The following MAP3K7CL variants were observed in gnomAD, a reference collection of about 807,000 sequenced individuals.
The protein encoded by MAP3K7CL is MAP3K7 C-terminal-like protein.
Under a neutral mutation model 18.6 loss-of-function variants are expected in MAP3K7CL, and 16 were observed. The ratio of observed to expected loss-of-function variants is 0.86; its 90% CI spans 0.58 to 1.31. The LOEUF (loss-of-function observed/expected upper bound fraction) is 1.31, where lower values mean the gene tolerates loss of function less well. Ranked by LOEUF, MAP3K7CL falls within the 50% of genes most tolerant of loss-of-function variation. The probability of loss-of-function intolerance (pLI) is 0.00; values close to 1 mark genes in which losing one functional copy is unlikely to be tolerated. For missense variants in MAP3K7CL, 163 were observed against 174.4 expected (o/e 0.93, Z 0.37); for synonymous variants, 65 against 66.8 (o/e 0.97, Z 0.13).
upstream of MAP3K7CL, among the ~76,000 whole-genome samples, chr21:29,082,202 C>T (rs928682496): frequency 6.6e-6 from 1 of 152,138 alleles, no homozygotes; most frequent in African/African-American, 2.4e-5. Context: ...TCTAGCAGCT[C>T]TTGGTCCTAT....
upstream of MAP3K7CL, chr21:29,130,617 T>G: frequency 4.1e-6 from 4 of 985,478 alleles, no homozygotes; most frequent in Non-Finnish European, 4.8e-6. Context: ...GAGGGTTTTC[T>G]TTTGCTCTTG....
At chr21:29,145,838 G>T (rs2087116046) in intron 2 of MAP3K7CL, 1 of 152,068 alleles carries the variant, frequency 6.6e-6, no homozygotes, top group Non-Finnish European at 1.5e-5. Flanking sequence ...AACATCTATT[G>T]TATGTTGATT....
chr21:29,127,252 C>G (rs1334141424), upstream of MAP3K7CL, among the ~76,000 whole-genome samples: 1 of 152,140 alleles, frequency 6.6e-6, no homozygotes, highest in Non-Finnish European at 1.5e-5. Flanking sequence ...TTGAAAATAA[C>G]TTTCCAAATA....
At chr21:29,146,144 C>T (rs1332141442) in intron 2 of MAP3K7CL, among the ~76,000 whole-genome samples, 1 of 152,002 alleles carries the variant, frequency 6.6e-6, no homozygotes, top group African/African-American at 2.4e-5. Context: ...CCTTAAGATT[C>T]ATTCCTGGCT....
chr21:29,150,755 T>C (rs2087250514), intron 3 of MAP3K7CL, among the ~76,000 whole-genome samples: 5 of 140,798 alleles, frequency 3.6e-5, no homozygotes, highest in South Asian at 4.7e-4. Flanking sequence ...ACAATTCAGC[T>C]CTCCCTCTAC....
chr21:29,160,099 C>A, intron 4 of MAP3K7CL, 43 bp downstream of exon 4: 1 of 1,520,290 alleles, frequency 6.6e-7, no homozygotes, highest in Non-Finnish European at 9.1e-7. Context: ...GCACTGCCTA[C>A]TGGGCAAGGA....
upstream of MAP3K7CL, chr21:29,130,474 A>C (rs947341579): frequency 8.8e-6 from 4 of 452,836 alleles, no homozygotes; most frequent in Non-Finnish European, 1.2e-5. Flanking sequence ...AGACACAGAC[A>C]CCGATTGGGT....
intron 2 of MAP3K7CL, among the ~76,000 whole-genome samples, chr21:29,134,999 C>T (rs1466991938): frequency 6.6e-6 from 1 of 150,740 alleles, no homozygotes; most frequent in Non-Finnish European, 1.5e-5. Context: ...TGCAGTGAGC[C>T]GAGATCGTGC....
rs1239595820 is a variant in MAP3K7CL, at chr21:29,174,592, T to C, written c.249-120T>C. On this transcript the variant is annotated intron_variant, in intron 4 of 4. Transcript: ENST00000399928. ...AAAAGTCATTGGAGGCAAGTAGAGA[T>C]GGGAAAAAATTCAGAACAGCAGAAT... 6 of 1,258,188 alleles carry C rather than the reference T, an allele frequency of 4.8e-6. No homozygotes were observed. The East Asian group carries it at 7.2e-5, about 15-fold the overall frequency. The allele number at this position is 1,258,188 out of a possible 1,614,324, so 77.9% of individuals were successfully genotyped here.
intron 1 of MAP3K7CL, among the ~76,000 whole-genome samples, chr21:29,089,567 G>A (rs1244039494): frequency 6.6e-6 from 1 of 152,106 alleles, no homozygotes; most frequent in African/African-American, 2.4e-5. Context: ...TCACATACTT[G>A]ACACCATTAA....
At chr21:29,104,536 C>T (rs547092142) in intron 4 of MAP3K7CL, among the ~76,000 whole-genome samples, 3 of 152,298 alleles carry the variant, frequency 2.0e-5, no homozygotes, top group East Asian at 3.9e-4. Context: ...ACCAGCCTTA[C>T]GCACATGCTG....
At chr21:29,130,467 C>A, upstream of MAP3K7CL, 3 of 417,496 alleles carry the variant, frequency 7.2e-6, no homozygotes, top group Non-Finnish European at 9.6e-6. Context: ...CTGGAATAGA[C>A]ACAGACACCG....
upstream of MAP3K7CL, among the ~76,000 whole-genome samples, chr21:29,130,041 A>G (rs1323346613): frequency 1.3e-5 from 2 of 152,062 alleles, no homozygotes; most frequent in African/African-American, 4.8e-5. Flanking sequence ...TTCATTGTAT[A>G]TTTTGGATGC....
At chr21:29,148,448 A>G (rs2087194298) in intron 2 of MAP3K7CL, among the ~76,000 whole-genome samples, 1 of 152,050 alleles carries the variant, frequency 6.6e-6, no homozygotes, top group Non-Finnish European at 1.5e-5. Flanking sequence ...GGATATTTTG[A>G]CCCATATTTT....
At chr21:29,106,628 T>C (rs9978926) in intron 4 of MAP3K7CL, among the ~76,000 whole-genome samples, 127 of 152,280 alleles carry the variant, frequency 8.3e-4, no homozygotes, top group African/African-American at 3.0e-3. Flanking sequence ...CCAGAAAGTT[T>C]TAAGGATCAG....
rs139798552 is a variant in MAP3K7CL, at chr21:29,078,143, C to T, written c.-49+430C>T. Among the ~76,000 whole-genome samples, 1,091 of 152,086 alleles carry T rather than the reference C, an allele frequency of 7.2e-3. 12 individuals are homozygous for T. The highest frequency in any genetic ancestry group is 0.025 in the African/African-American group (1,030 of 41,512). On this transcript the variant is annotated intron_variant, in intron 1 of 7. Coordinates refer to the MAP3K7CL transcript ENST00000341618. ...CAATTCCCATTAAATCCTTAACCTC[C>T]TGACTTTTCTTTTTCTGCCTCCATT... is the stretch of plus-strand genomic sequence containing the variant.
chr21:29,108,983 C>CAG, intron 4 of MAP3K7CL: 1 of 1,403,240 alleles, frequency 7.1e-7, no homozygotes, highest in South Asian at 1.4e-5. Flanking sequence ...AATCTGAATT[C>CAG]AATGTCGGCT....
At chr21:29,141,907 T>C (rs1459816618) in intron 2 of MAP3K7CL, among the ~76,000 whole-genome samples, 1 of 152,164 alleles carries the variant, frequency 6.6e-6, no homozygotes, top group African/African-American at 2.4e-5. Context: ...TTTTTTTTGA[T>C]ATATTGGGAA....
chr21:29,115,383 T>C (rs571870547), intron 4 of MAP3K7CL, among the ~76,000 whole-genome samples: 99 of 152,324 alleles, frequency 6.5e-4, no homozygotes, highest in Non-Finnish European at 1.1e-3. Flanking sequence ...ATAAAAAGCA[T>C]TGATGGAAGG....
Sources: allele counts gnomAD v4.1 joint callset (sites outside exome capture counted in the v4.1 genomes callset), GRCh38; gene constraint gnomAD v4.1.1; transcripts MANE v1.5; gene names NCBI Gene and HGNC (gene_info 2026-07-23, HGNC 2026-07-21).